Variants in RYR2 observed in about 807,000 individuals in gnomAD.
The protein encoded by RYR2 is ryanodine receptor 2.
Under a neutral mutation model 601.1 loss-of-function variants are expected in RYR2, and 227 were observed. The observed-to-expected ratio is 0.38, with a 90% CI of 0.34 to 0.42. The LOEUF is 0.42. Ranked by LOEUF, RYR2 falls within the 10% of genes least tolerant of loss-of-function variation. The pLI, the probability that RYR2 is intolerant of heterozygous loss-of-function variation, is 1.00. For missense variants in RYR2, 4,646 were observed against 6,156.5 expected, an observed-to-expected ratio of 0.75 and a Z score of 8.21; for synonymous variants, 2,223 against 2,175.1, an observed-to-expected ratio of 1.02 and a Z score of -0.61.
At chr1:237,332,290 A>G (rs1489723520) in intron 3 of RYR2, among the ~76,000 whole-genome samples, 1 of 152,194 alleles carries the variant, frequency 6.6e-6, no homozygotes, top group Non-Finnish European at 1.5e-5. Context: ...ATTCTAAATT[A>G]AATTTCAGCA....
intron 3 of RYR2, among the ~76,000 whole-genome samples, chr1:237,345,587 A>G (rs566582102): frequency 2.8e-4 from 43 of 152,180 alleles, no homozygotes; most frequent in African/African-American, 9.6e-4. Context: ...AAGAGTAGTA[A>G]TCAACTTGAT....
intron 1 of RYR2, among the ~76,000 whole-genome samples, chr1:237,255,688 G>A (rs905892323): frequency 6.6e-6 from 1 of 152,076 alleles, no homozygotes; most frequent in Admixed American, 6.6e-5. Context: ...GATCTATCAC[G>A]ATACTGAAAT....
chr1:237,297,904 C>A (rs1346360238), intron 2 of RYR2, among the ~76,000 whole-genome samples: 1 of 150,276 alleles, frequency 6.7e-6, no homozygotes, highest in Non-Finnish European at 1.5e-5. Flanking sequence ...GCACGTGCTA[C>A]CATATCTGGC....
At chr1:237,806,317 A>C in intron 99 of RYR2, 34 bp downstream of exon 99, 1 of 1,574,916 alleles carries the variant, frequency 6.3e-7, no homozygotes, top group Non-Finnish European at 8.6e-7. Context: ...CCTTGCAGAA[A>C]ATAAAAAAGC....
At chr1:237,573,036 A>G (rs1187659100) in intron 29 of RYR2, among the ~76,000 whole-genome samples, 1 of 152,172 alleles carries the variant, frequency 6.6e-6, no homozygotes, top group South Asian at 2.1e-4. Flanking sequence ...AAATGGATTT[A>G]TAAGTGGTCT....
At chr1:237,363,523 A>G (rs1699954589) in intron 4 of RYR2, among the ~76,000 whole-genome samples, 1 of 152,042 alleles carries the variant, frequency 6.6e-6, no homozygotes, top group African/African-American at 2.4e-5. Context: ...TAGTGTCTCT[A>G]TGGTATCTTT....
chr1:237,788,942 TCTC>T (rs1300330071), intron 92 of RYR2, among the ~76,000 whole-genome samples: 1 of 151,930 alleles, frequency 6.6e-6, no homozygotes, highest in Non-Finnish European at 1.5e-5. Context: ...TCCATGCTTA[TCTC>T]CTATCCTTTT....
At chr1:237,629,319 C>T (rs1038506227) in intron 41 of RYR2, among the ~76,000 whole-genome samples, 8 of 151,582 alleles carry the variant, frequency 5.3e-5, no homozygotes, top group South Asian at 2.1e-4. Context: ...GGCTCCACCA[C>T]GACACAATAT....
chr1:237,619,637 T>G (rs1169982104), intron 38 of RYR2, among the ~76,000 whole-genome samples: 1 of 152,082 alleles, frequency 6.6e-6, no homozygotes, highest in African/African-American at 2.4e-5. Context: ...GTACATTCCG[T>G]ATAGGATAAA....
chr1:237,183,941 A>G (rs1249423977), intron 1 of RYR2, among the ~76,000 whole-genome samples: 1 of 152,246 alleles, frequency 6.6e-6, no homozygotes, highest in Non-Finnish European at 1.5e-5. Context: ...TAATTTCCCG[A>G]GAAGTCAATA....
rs746898186 is a variant in RYR2 at position 237,784,384 on chromosome 1, G to A, written c.12672G>A (p.Glu4224=). 6.2e-7 allele frequency: 1 copy of A among 1,613,982 alleles called. No individual in the cohort carries two copies. Among genetic ancestry groups the A allele is most frequent in the Non-Finnish European group, 8.5e-7 (1 of 1,179,886 alleles). The change falls in exon 90 of 105, where the codon GAG becomes GAA. Residue 4224 remains glutamate (E), a synonymous_variant. Coordinates refer to ENST00000366574, the MANE Select transcript of RYR2 (RefSeq NM_001035.3). The surrounding 1 kb of genome is among the most constrained non-coding windows in gnomAD (Gnocchi z 7.1). ...RSANKEESEK[E]RPEEQGPRMA... Reference sequence around the variant, plus strand: ...CGAATAAGGAAGAAAGCGAGAAGGAGAGGCCGGAAGAGCAGGGGCCGAGGA... The same window carrying A: ...CGAATAAGGAAGAAAGCGAGAAGGAAAGGCCGGAAGAGCAGGGGCCGAGGA...
rs1216938100 is a variant in RYR2 at position 237,590,075 on chromosome 1, G to A, written c.3807+74G>A. On this transcript the variant is annotated intron_variant, in intron 30 of 104. Transcript: ENST00000366574. Reference sequence around the variant, plus strand: ...AATATCTTTATACAAAGGAACTTCTGCTTAGACAATTATTATGACTTACTT... The same window carrying A: ...AATATCTTTATACAAAGGAACTTCTACTTAGACAATTATTATGACTTACTT... 80 of 1,318,586 alleles carry A rather than the reference G, an allele frequency of 6.1e-5. No homozygotes were observed. The East Asian group carries it at 1.9e-3, about 31-fold the overall frequency. The allele number at this position is 1,318,586 out of a possible 1,614,324, so 81.7% of individuals were successfully genotyped here. A position where few individuals can be genotyped will look rare whatever the true frequency, so the allele number is the denominator to read the frequency against.
chr1:237,383,414 C>CTTT (rs1558724426), intron 8 of RYR2, among the ~76,000 whole-genome samples: 2 of 64,788 alleles, frequency 3.1e-5, no homozygotes, highest in African/African-American at 1.1e-4. Flanking sequence ...TTTCTTTTTT[C>CTTT]TTGTTTTTTT....
At position 237,705,294 on chromosome 1, in the gene RYR2, A is replaced by G; in HGVS notation, c.9531A>G (p.Lys3177=). Reference sequence around the variant, plus strand: ...CATTTTTGGAAACTCATCTGGACAAACATAATATTTACTCCATCTACAATA... The same window carrying G: ...CATTTTTGGAAACTCATCTGGACAAGCATAATATTTACTCCATCTACAATA... ...PVAFLETHLD[K]HNIYSIYNTK... Residue 3177 remains lysine (K), a synonymous_variant, in exon 67 of 105, where the codon AAA becomes AAG. Coordinates refer to ENST00000366574, the MANE Select transcript of RYR2 (RefSeq NM_001035.3). 6.2e-7 allele frequency: 1 copy of G among 1,604,790 alleles called. No homozygotes were observed. Among genetic ancestry groups the G allele is most frequent in the African/African-American group, 1.3e-5 (1 of 74,964 alleles).
chr1:237,507,994 G>A (rs115709962), intron 23 of RYR2, among the ~76,000 whole-genome samples: 1,774 of 151,948 alleles, frequency 0.012, 32 homozygotes, highest in African/African-American at 0.039. Flanking sequence ...ATAGAGTTTC[G>A]CTCTTGTTAC....
intron 8 of RYR2, among the ~76,000 whole-genome samples, chr1:237,377,784 A>T (rs375542110): frequency 7.2e-5 from 11 of 152,224 alleles, no homozygotes; most frequent in Non-Finnish European, 1.5e-4. Context: ...TGAAAAGGCT[A>T]TATTAATGAG....
intron 14 of RYR2, among the ~76,000 whole-genome samples, chr1:237,454,141 G>A (rs976173400): frequency 6.6e-6 from 1 of 152,116 alleles, no homozygotes; most frequent in Non-Finnish European, 1.5e-5. Flanking sequence ...TGTAGACACT[G>A]TTCCTGTAGC....
chr1:237,645,033 TCAAA>T (rs950276383), intron 48 of RYR2, among the ~76,000 whole-genome samples: 4 of 152,144 alleles, frequency 2.6e-5, no homozygotes, highest in Non-Finnish European at 2.9e-5. Context: ...AAACTCTGTC[TCAAA>T]CAAACAAACA....
intron 62 of RYR2, among the ~76,000 whole-genome samples, chr1:237,680,848 G>A (rs1464845460): frequency 2.6e-5 from 4 of 152,146 alleles, no homozygotes; most frequent in South Asian, 4.1e-4. Context: ...CATAGAGGCC[G>A]GATATGCATC....
Sources: allele counts gnomAD v4.1 joint callset (sites outside exome capture counted in the v4.1 genomes callset), GRCh38; gene constraint gnomAD v4.1.1; non-coding constraint Gnocchi (gnomAD v3.1); transcripts MANE v1.5; gene names NCBI Gene and HGNC (gene_info 2026-07-23, HGNC 2026-07-21).